The following CAMTA1 variants were observed in gnomAD, a reference collection of about 807,000 sequenced individuals.
The protein encoded by CAMTA1 is calmodulin binding transcription activator 1.
In CAMTA1, 27 loss-of-function variants were observed where a neutral mutation model predicts 170.9. The ratio of observed to expected loss-of-function variants is 0.16; its 90% CI spans 0.12 to 0.22. CAMTA1 has a LOEUF of 0.22. CAMTA1 is among the 10% of genes least tolerant of loss of function. The probability of loss-of-function intolerance (pLI) is 1.00; values close to 1 mark genes in which losing one functional copy is unlikely to be tolerated. For synonymous variants in CAMTA1, 833 were observed against 891.5 expected, an observed-to-expected ratio of 0.93 and a Z score of 1.17; for missense variants, 1,619 against 2,217.2, an observed-to-expected ratio of 0.73 and a Z score of 5.42.
At chr1:6,889,477 A>T (rs1347340303) in intron 3 of CAMTA1, among the ~76,000 whole-genome samples, 1 of 152,218 alleles carries the variant, frequency 6.6e-6, no homozygotes, top group Non-Finnish European at 1.5e-5. Context: ...CGCTGCTCAG[A>T]GGGATGTGGG....
chr1:6,892,562 C>T (rs540310490), intron 3 of CAMTA1, among the ~76,000 whole-genome samples: 31 of 150,456 alleles, frequency 2.1e-4, no homozygotes, highest in African/African-American at 7.1e-4. Flanking sequence ...AATCTGAAAA[C>T]AGAAATGAGT....
chr1:7,378,318 C>G (rs991751963), intron 5 of CAMTA1, among the ~76,000 whole-genome samples: 1 of 152,144 alleles, frequency 6.6e-6, no homozygotes, highest in Non-Finnish European at 1.5e-5. Flanking sequence ...GAGAGGAAGC[C>G]GTGTTACATA....
At chr1:7,449,769 CA>C (rs59913060) in intron 5 of CAMTA1, among the ~76,000 whole-genome samples, 5,427 of 79,510 alleles carry the variant, frequency 0.068, 306 homozygotes, top group African/African-American at 0.22. Context: ...GACTCGGTCT[CA>C]AAAAAAAAAA....
intron 6 of CAMTA1, among the ~76,000 whole-genome samples, chr1:7,515,711 C>T (rs974076513): frequency 6.6e-6 from 1 of 152,170 alleles, no homozygotes; most frequent in Non-Finnish European, 1.5e-5. Flanking sequence ...TCCCCTCCTT[C>T]GTCCCCTGCT....
rs1403987098 is a variant in CAMTA1 at position 7,007,580 on chromosome 1, G to T, written c.235-83724G>T. On this transcript the variant is annotated intron_variant, in intron 3 of 22. Transcript: ENST00000303635. The surrounding 1 kb of genome is among the most constrained non-coding windows in gnomAD (Gnocchi z 4.5). ...TTACCTCCTGCTTCAGCCCTTACTC[G>T]CCTCCTCCAATCCCAAACTCCTCCC... is the stretch of plus-strand genomic sequence containing the variant. Among the ~76,000 whole-genome samples the T allele has an allele frequency of 6.6e-6, 1 of 152,026 alleles. No individual in the cohort carries two copies. Among genetic ancestry groups the T allele is most frequent in the East Asian group, 1.9e-4 (1 of 5,176 alleles).
At chr1:7,255,819 AC>A (rs748409301) in intron 5 of CAMTA1, among the ~76,000 whole-genome samples, 3 of 152,014 alleles carry the variant, frequency 2.0e-5, no homozygotes, top group Non-Finnish European at 4.4e-5. Context: ...TGCAAACCTC[AC>A]CCCAACCCTG....
chr1:7,530,473 A>G (rs2094478042), intron 6 of CAMTA1, among the ~76,000 whole-genome samples: 1 of 152,004 alleles, frequency 6.6e-6, no homozygotes, highest in Admixed American at 6.6e-5. Flanking sequence ...AAATCAAGCC[A>G]CTCCAGGGAG....
At chr1:6,900,870 G>A (rs566945968) in intron 3 of CAMTA1, among the ~76,000 whole-genome samples, 3 of 152,280 alleles carry the variant, frequency 2.0e-5, no homozygotes, top group East Asian at 1.9e-4. Flanking sequence ...TATGAATTCC[G>A]TGCCATCCTA....
chr1:7,198,193 G>A (rs1468265771), intron 4 of CAMTA1, among the ~76,000 whole-genome samples: 1 of 151,838 alleles, frequency 6.6e-6, no homozygotes, highest in Non-Finnish European at 1.5e-5. Context: ...AGGTTGAATT[G>A]TGCCTCATTC....
intron 3 of CAMTA1, among the ~76,000 whole-genome samples, chr1:6,837,710 T>C (rs1269581530): frequency 2.0e-5 from 3 of 152,228 alleles, no homozygotes; most frequent in Non-Finnish European, 1.5e-5. Context: ...ATTTTTGTAC[T>C]GTTGAGCAAA....
intron 11 of CAMTA1, among the ~76,000 whole-genome samples, chr1:7,726,411 T>C (rs980145736): frequency 2.6e-5 from 4 of 152,216 alleles, no homozygotes; most frequent in Non-Finnish European, 5.9e-5. Context: ...GTTTGGTCAT[T>C]GTTCCCACTT....
chr1:7,714,703 G>A (rs999717468), intron 11 of CAMTA1, among the ~76,000 whole-genome samples: 3 of 152,154 alleles, frequency 2.0e-5, no homozygotes, highest in African/African-American at 7.2e-5. Context: ...TGTATTTTTA[G>A]CAGAGACGGA....
chr1:7,538,923 C>A (rs2094578433), intron 6 of CAMTA1, among the ~76,000 whole-genome samples: 1 of 152,108 alleles, frequency 6.6e-6, no homozygotes, highest in African/African-American at 2.4e-5. Flanking sequence ...GAAAATGTAC[C>A]CAAGCGCTGA....
intron 6 of CAMTA1, among the ~76,000 whole-genome samples, chr1:7,605,769 C>A (rs1557992279): frequency 6.6e-6 from 1 of 152,340 alleles, no homozygotes; most frequent in Non-Finnish European, 1.5e-5. Flanking sequence ...CTGTCTTCTG[C>A]GTCGCTCATG....
At chr1:7,306,614 A>G (rs562032240) in intron 5 of CAMTA1, among the ~76,000 whole-genome samples, 1 of 152,098 alleles carries the variant, frequency 6.6e-6, no homozygotes, top group Admixed American at 6.5e-5. Flanking sequence ...TGGCTATACT[A>G]ATTACTTTGC....
chr1:7,527,237 G>A (rs2094441901), intron 6 of CAMTA1, among the ~76,000 whole-genome samples: 1 of 152,174 alleles, frequency 6.6e-6, no homozygotes, highest in Non-Finnish European at 1.5e-5. Flanking sequence ...AGGAAACTAA[G>A]GCTCCGGAAG....
At chr1:7,513,942 CACACATACACACACA>C (rs2094241887) in intron 6 of CAMTA1, among the ~76,000 whole-genome samples, 1 of 76,918 alleles carries the variant, frequency 1.3e-5, no homozygotes, top group Non-Finnish European at 3.2e-5. Flanking sequence ...TACACACACA[CACACATACACACACA>C]CACACATACA....
rs537744866 is a variant in CAMTA1 at position 6,906,809 on chromosome 1, T to C, written c.234+81599T>C. 3.3e-5 allele frequency among the ~76,000 whole-genome samples: 5 copies of C among 152,338 alleles called. No homozygotes were observed. In the South Asian group the frequency reaches 1.0e-3, roughly 32 times the overall value. ...AAAGAGGAAGGTGCTAAATGAAATA[T>C]TCTCATGTAGTTATTATTTGCCTGG... On this transcript the variant is annotated intron_variant, in intron 3 of 22. Transcript: ENST00000303635.
chr1:7,073,786 G>A (rs537471814), intron 3 of CAMTA1, among the ~76,000 whole-genome samples: 4 of 152,148 alleles, frequency 2.6e-5, no homozygotes, highest in Admixed American at 2.0e-4. Context: ...GAATGGGCTT[G>A]GGAGAGAATG....
Sources: gnomAD v4.1 joint callset for allele counts (sites outside exome capture counted in the v4.1 genomes callset) on GRCh38, gnomAD v4.1.1 for gene constraint, Gnocchi (gnomAD v3.1) non-coding constraint, MANE v1.5 for transcripts, NCBI Gene and HGNC (gene_info 2026-07-23, HGNC 2026-07-21) for gene names.